Variants in NAV1 observed in about 807,000 individuals in gnomAD.
NAV1 encodes the protein pore membrane and/or filament interacting like protein 3.
Under a neutral mutation model 175.2 loss-of-function variants are expected in NAV1, and 18 were observed. The ratio of observed to expected loss-of-function variants is 0.10; its 90% CI spans 0.07 to 0.15. The LOEUF (loss-of-function observed/expected upper bound fraction) is 0.15, where lower values mean the gene tolerates loss of function less well. Among genes scored for constraint, NAV1 ranks in the 10% least tolerant of loss-of-function variants. The pLI is 1.00. For missense variants in NAV1, 1,731 were observed against 2,436.6 expected, an observed-to-expected ratio of 0.71 and a Z score of 6.10; for synonymous variants, 897 against 978.7, an observed-to-expected ratio of 0.92 and a Z score of 1.56.
chr1:201,675,895 C>T (rs930555836), intron 1 of NAV1, among the ~76,000 whole-genome samples: 17 of 152,206 alleles, frequency 1.1e-4, no homozygotes, highest in African/African-American at 3.6e-4. Flanking sequence ...GCCCAGTGGC[C>T]GGCCTCATAA....
At chr1:201,642,547 T>TCC in intron 2 of NAV1, among the ~76,000 whole-genome samples, 1 of 110,130 alleles carries the variant, frequency 9.1e-6, no homozygotes, top group Non-Finnish European at 1.8e-5. Flanking sequence ...CTTTCTTTCT[T>TCC]TCTTTCTTTT....
rs182472707 is a variant in NAV1, at chr1:201,708,553, G to T, written c.758-4264G>T. Among the ~76,000 whole-genome samples, 58 of 152,234 alleles carry T rather than the reference G, an allele frequency of 3.8e-4. No individual in the cohort carries two copies. In the East Asian group the frequency reaches 0.01, roughly 27 times the overall value. The stretch of plus-strand genomic sequence containing the variant: ...AGGCCCCCAGAGTAAGTTTTGGAGG[G>T]TGGCATCCTGGCTGGTATCATGTGA... On this transcript the variant is annotated intron_variant, in intron 1 of 29. Transcript: ENST00000367296.
At chr1:201,725,307 G>A (rs765301446) in intron 3 of NAV1, among the ~76,000 whole-genome samples, 2 of 152,166 alleles carry the variant, frequency 1.3e-5, no homozygotes, top group Non-Finnish European at 2.9e-5. Context: ...TAGGAATCCC[G>A]CCTAGCGGGA....
intron 1 of NAV1, among the ~76,000 whole-genome samples, chr1:201,584,617 G>T (rs1221050148): frequency 6.6e-6 from 1 of 152,232 alleles, no homozygotes; most frequent in Admixed American, 6.5e-5. Context: ...TGATGTGCCT[G>T]TGTCCAGCAG....
chr1:201,561,436 A>G (rs982043477), intron 1 of NAV1, among the ~76,000 whole-genome samples: 2 of 152,146 alleles, frequency 1.3e-5, no homozygotes, highest in Non-Finnish European at 1.5e-5. Flanking sequence ...TGATTCTGTT[A>G]CTTACTTACT....
rs185855942 is a variant in NAV1 at position 201,601,792 on chromosome 1, C to T, written c.-33+13143C>T. ...CCCAGTCTGCAAAATTTTGTTAAAG[C>T]AGCTAGAACAGACTAAGAGAAGGGC... On this transcript the variant is annotated intron_variant, in intron 2 of 33. Transcript: ENST00000685211. Among the ~76,000 whole-genome samples, 3 of 152,280 alleles carry T rather than the reference C, an allele frequency of 2.0e-5. No individual in the cohort carries two copies. In the East Asian group the frequency reaches 5.8e-4, roughly 29 times the overall value.
exon 1 of NAV1, chr1:201,622,977 T>C: frequency 2.0e-6 from 2 of 986,156 alleles, no homozygotes; most frequent in Admixed American, 6.1e-5. Context: ...CCAGGATTCC[T>C]ACACCGGGCG....
intron 1 of NAV1, among the ~76,000 whole-genome samples, chr1:201,710,434 G>A (rs756205286): frequency 6.6e-6 from 1 of 151,952 alleles, no homozygotes; most frequent in Non-Finnish European, 1.5e-5. Context: ...TTACAGGCTT[G>A]AGCCACCTGG....
In NAV1 at chr1:201,790,695, C is replaced by T. The variant is rs766624611; in HGVS notation, c.3250C>T (p.Arg1084Trp). ...ATTTCTCTTCCTTTTACAGCAAATCCGGAAGCTTCGTAGGGAACTGGAATC... is the reference window on the plus strand; with the variant it reads ...ATTTCTCTTCCTTTTACAGCAAATCTGGAAGCTTCGTAGGGAACTGGAATC... The change falls in exon 13 of 30, where the codon CGG becomes TGG. Residue 1084 changes from arginine to tryptophan, a missense_variant. Transcript: ENST00000367296. The T allele has an allele frequency of 2.2e-5, 36 of 1,613,962 alleles. No homozygotes were observed. The highest frequency in any genetic ancestry group is 3.3e-5 in the Admixed American group (2 of 59,990).
At chr1:201,771,253 AAAC>A (rs1675565056) in intron 3 of NAV1, among the ~76,000 whole-genome samples, 1 of 151,466 alleles carries the variant, frequency 6.6e-6, no homozygotes, top group Non-Finnish European at 1.5e-5. Flanking sequence ...AAAAAAAAAA[AAAC>A]ATCTGGTGAT....
intron 3 of NAV1, among the ~76,000 whole-genome samples, chr1:201,734,420 AAAGAAGAAGAAGAGGAAG>A (rs1673000689): frequency 6.7e-6 from 1 of 149,512 alleles, no homozygotes; most frequent in Non-Finnish European, 1.5e-5. Context: ...AAAAAGAAAA[AAAGAAGAAGAAGAGGAAG>A]AAGAAGAAGA....
chr1:201,670,346 A>C (rs1410289384), intron 1 of NAV1, among the ~76,000 whole-genome samples: 1 of 132,746 alleles, frequency 7.5e-6, no homozygotes, highest in Non-Finnish European at 1.5e-5. Context: ...ATGCCACTGC[A>C]CTCCAGCCTG....
chr1:201,587,591 G>A (rs532332023), intron 1 of NAV1, among the ~76,000 whole-genome samples: 7 of 152,120 alleles, frequency 4.6e-5, no homozygotes, highest in African/African-American at 1.2e-4. Flanking sequence ...GGTTGATGTG[G>A]GAGGATAGCT....
chr1:201,780,950 C>T, intron 4 of NAV1, 62 bp from the exon 9 acceptor site: 1 of 1,511,548 alleles, frequency 6.6e-7, no homozygotes, highest in Non-Finnish European at 8.9e-7. Context: ...TCAATCCTGT[C>T]AGCTATCCAG....
chr1:201,648,827 C>T, exon 1 of NAV1: 1 of 1,593,660 alleles, frequency 6.3e-7, no homozygotes. Context: ...CCGGCGGCGG[C>T]GGCGGCATGG....
At chr1:201,703,254 G>A (rs1374325414) in intron 1 of NAV1, among the ~76,000 whole-genome samples, 2 of 152,222 alleles carry the variant, frequency 1.3e-5, no homozygotes, top group African/African-American at 4.8e-5. Flanking sequence ...GGGCAGGAAA[G>A]TCAAGGCCTG....
intron 1 of NAV1, among the ~76,000 whole-genome samples, chr1:201,585,205 T>C (rs1312911675): frequency 2.0e-5 from 3 of 152,218 alleles, no homozygotes; most frequent in African/African-American, 7.2e-5. Context: ...GTGTGATGAC[T>C]CATCTTCTGC....
chr1:201,552,411 C>T (rs535033836), intron 1 of NAV1, among the ~76,000 whole-genome samples: 304 of 152,226 alleles, frequency 2.0e-3, no homozygotes, highest in Non-Finnish European at 3.3e-3. Flanking sequence ...CTTTCCCTTT[C>T]TCCTGCCCAC....
intron 1 of NAV1, among the ~76,000 whole-genome samples, chr1:201,670,380 CAAAAAAA>C (rs58216500): frequency 8.2e-5 from 1 of 12,170 alleles, no homozygotes; most frequent in Non-Finnish European, 1.6e-4. Flanking sequence ...GACTCCATCT[CAAAAAAA>C]AAAAAAAAAA....
Sources: allele counts gnomAD v4.1 joint callset (sites outside exome capture counted in the v4.1 genomes callset), GRCh38; gene constraint gnomAD v4.1.1; transcripts MANE v1.5; gene names NCBI Gene and HGNC (gene_info 2026-07-23, HGNC 2026-07-21).